The following CLDN2 variants were observed in gnomAD, a reference collection of about 807,000 sequenced individuals.
The protein encoded by CLDN2 is claudin 2, also known as claudin-2.
CLDN2 carries 1 observed loss-of-function variant against 8.2 expected under a neutral mutation model. The ratio of observed to expected loss-of-function variants is 0.12; its 90% CI spans 0.04 to 0.58. The LOEUF is 0.58. CLDN2 is among the 20% of genes least tolerant of loss of function. The pLI, the probability that CLDN2 is intolerant of heterozygous loss-of-function variation, is 0.90. For missense variants in CLDN2, 108 were observed against 172.9 expected (o/e 0.62, Z 2.11); for synonymous variants, 70 against 70.2 (o/e 1.00, Z 0.01).
intron 1 of CLDN2, chrX:106,901,454 G>A: frequency 8.3e-7 from 1 of 1,203,602 alleles, no homozygotes; most frequent in Middle Eastern, 2.3e-4. Context: ...CAAGTTTGGA[G>A]CTTCATGCCA....
intron 1 of CLDN2, among the ~76,000 whole-genome samples, chrX:106,904,629 C>T (rs1297650139): frequency 8.9e-6 from 1 of 112,158 alleles, no homozygotes; most frequent in Non-Finnish European, 1.9e-5. Context: ...CCTCATTTCT[C>T]TGTTCACCTA....
At chrX:106,901,262 A>G (rs1324781867) in intron 1 of CLDN2, among the ~76,000 whole-genome samples, 2 of 111,924 alleles carry the variant, frequency 1.8e-5, no homozygotes, top group African/African-American at 3.3e-5. Context: ...TGACCCATCC[A>G]TGGGGGATCA....
At chrX:106,914,736 T>G (rs183027447), upstream of CLDN2, among the ~76,000 whole-genome samples, 452 of 112,220 alleles carry the variant, frequency 4.0e-3, 2 homozygotes, top group African/African-American at 0.014. Context: ...AAGTTTTAAT[T>G]ATAAATATGT....
chrX:106,921,700 G>T lies in CLDN2; in HGVS notation c.-179+1149G>T, dbSNP rs182484064. Among the ~76,000 whole-genome samples the T allele has an allele frequency of 2.7e-5, 3 of 112,281 alleles. No homozygotes were observed. The East Asian group carries it at 8.5e-4, about 32-fold the overall frequency. On this transcript the variant is annotated intron_variant, in intron 1 of 1. Coordinates refer to ENST00000336803, the MANE Select transcript of CLDN2 (RefSeq NM_020384.4). ...GTGAGAAGGGGTTAAGTCAGGAGCTGCGGTCAATCTTGACCCTCCTAATCC... is the reference window on the plus strand; with the variant it reads ...GTGAGAAGGGGTTAAGTCAGGAGCTTCGGTCAATCTTGACCCTCCTAATCC...
Position 106,903,401 on chromosome X carries a change from G to A in CLDN2, c.-179+2897G>A, listed in dbSNP as rs377676501. 225 of 801,465 alleles carry A rather than the reference G, an allele frequency of 2.8e-4. 1 individual carries two copies. In the African/African-American group the frequency reaches 4.2e-3, roughly 15 times the overall value. The allele number at this position is 801,465 out of a possible 1,213,427, so 66.0% of individuals were successfully genotyped here. On this transcript the variant is annotated intron_variant, in intron 1 of 1. Transcript: ENST00000541806. ...CTGCCTGGTCTTATAAATTATTCAG[G>A]GAGGACAGGGGTGGGATGACTTGGG...
chrX:106,914,819 A>T (rs757536072), upstream of CLDN2, among the ~76,000 whole-genome samples: 2 of 112,025 alleles, frequency 1.8e-5, no homozygotes, highest in Admixed American at 9.5e-5. Flanking sequence ...TAATTTGTTA[A>T]CTAATATCTT....
rs1403729492 is a variant in CLDN2 at position 106,929,565 on chromosome X, G to C, written c.*644G>C. The stretch of plus-strand genomic sequence containing the variant: ...GGATGGGAGGACAGGAAGGCAGCCT[G>C]GGACATTTAAAAAAATAAAAATGAA... On this transcript the variant is annotated 3_prime_UTR_variant, in exon 2 of 2. Transcript: ENST00000336803. The C allele has an allele frequency of 1.6e-5, 2 of 122,298 alleles. No individual in the cohort carries two copies. Among genetic ancestry groups the C allele is most frequent in the Non-Finnish European group, 3.8e-5 (2 of 53,092 alleles). 10.1% of individuals were successfully genotyped at this position (122,298 alleles called of 1,213,427 possible).
At chrX:106,916,937 C>G (rs1383935959), upstream of CLDN2, among the ~76,000 whole-genome samples, 1 of 111,892 alleles carries the variant, frequency 8.9e-6, no homozygotes, top group Non-Finnish European at 1.9e-5. Context: ...GTAGTCTCAG[C>G]TACTTGGAAG....
chrX:106,916,396 T>A (rs1368375195), upstream of CLDN2, among the ~76,000 whole-genome samples: 1 of 110,671 alleles, frequency 9.0e-6, no homozygotes, highest in African/African-American at 3.3e-5. Context: ...AGGAAGCCAG[T>A]CGGGAGAGTG....
chrX:106,926,219 A>T (rs1469684708), intron 1 of CLDN2, among the ~76,000 whole-genome samples: 1 of 111,774 alleles, frequency 8.9e-6, no homozygotes, highest in Non-Finnish European at 1.9e-5. Context: ...GAACACAGGG[A>T]ACACAGGGAA....
chrX:106,930,392 C>T lies in CLDN2; in HGVS notation c.*1471C>T, dbSNP rs1016771138. ...AGGGGTCATACACCAAAGGTATTTTCCCTCACCAGTCTAGGCATGACTGGC... is the reference window on the plus strand; with the variant it reads ...AGGGGTCATACACCAAAGGTATTTTTCCTCACCAGTCTAGGCATGACTGGC... On this transcript the variant is annotated 3_prime_UTR_variant, in exon 2 of 2. Transcript: ENST00000336803. The T allele has an allele frequency of 8.1e-6, 1 of 122,968 alleles. No individual in the cohort carries two copies. Among genetic ancestry groups the T allele is most frequent in the Non-Finnish European group, 1.9e-5 (1 of 53,193 alleles). 10.1% of individuals were successfully genotyped at this position (122,968 alleles called of 1,213,427 possible).
chrX:106,902,082 G>A, intron 1 of CLDN2: 2 of 1,008,619 alleles, frequency 2.0e-6, no homozygotes, highest in Non-Finnish European at 2.7e-6. Context: ...GAAGTGACCT[G>A]GTCACTGTTA....
At chrX:106,923,211 G>C (rs1009927989) in intron 1 of CLDN2, among the ~76,000 whole-genome samples, 2 of 112,208 alleles carry the variant, frequency 1.8e-5, no homozygotes, top group Admixed American at 1.9e-4. Context: ...CTGACCTCGT[G>C]ATCTGCCCGC....
chrX:106,928,242 G>C lies in CLDN2; in HGVS notation c.14G>C (p.Gly5Ala), dbSNP rs1174689287. ...GAGAGGTCTGCCATGGCCTCTCTTG[G>C]CCTCCAACTTGTGGGCTACATCCTA... Reference protein sequence around the residue: MASLGLQLVGYILGL... With the variant: MASLALQLVGYILGL... The change falls in exon 2 of 2, where the codon GGC (glycine) becomes GCC (alanine). Residue 5 changes from glycine to alanine, a missense_variant. Around this residue, in one of 2 missense-constraint regions of CLDN2, gnomAD observed 27 missense variants for 72.2 expected, o/e 0.37. Transcript: ENST00000336803. 2.5e-6 allele frequency: 3 copies of C among 1,208,372 alleles called. No homozygotes were observed. The African/African-American group carries it at 5.2e-5, about 21-fold the overall frequency.
intron 1 of CLDN2, among the ~76,000 whole-genome samples, chrX:106,922,996 G>A (rs1187031841): frequency 1.1e-5 from 1 of 87,990 alleles, no homozygotes; most frequent in Non-Finnish European, 2.2e-5. Context: ...TTTTTTTTGA[G>A]ACAAAGTTTT....
upstream of CLDN2, among the ~76,000 whole-genome samples, chrX:106,917,729 A>G (rs1933331362): frequency 9.1e-6 from 1 of 109,636 alleles, no homozygotes; most frequent in Non-Finnish European, 1.9e-5. Flanking sequence ...CTTCCCCCAA[A>G]CCACCTCTTC....
intron 1 of CLDN2, chrX:106,901,558 G>A: frequency 8.3e-7 from 1 of 1,206,459 alleles, no homozygotes. Flanking sequence ...GCAAAAGCTA[G>A]CATGTGGCTC....
chrX:106,912,186 C>T (rs2147789221), intron 1 of CLDN2, among the ~76,000 whole-genome samples: 1 of 111,388 alleles, frequency 9.0e-6, no homozygotes, highest in African/African-American at 3.3e-5. Context: ...TTCCCTCCCT[C>T]TTCCAGCCTC....
At chrX:106,910,109 C>A (rs1012316693) in intron 1 of CLDN2, among the ~76,000 whole-genome samples, 16 of 110,549 alleles carry the variant, frequency 1.4e-4, no homozygotes, top group Non-Finnish European at 3.0e-4. Context: ...CCCAGCCTGG[C>A]CTGAGACCTT....
Sources: gnomAD v4.1 joint callset for allele counts (sites outside exome capture counted in the v4.1 genomes callset) on GRCh38, gnomAD v4.1.1 for gene constraint, gnomAD v4.1.1 regional missense constraint, MANE v1.5 for transcripts, NCBI Gene and HGNC (gene_info 2026-07-23, HGNC 2026-07-21) for gene names.